The following IL1R2 variants were observed in gnomAD, a reference collection of about 807,000 sequenced individuals.
IL1R2 encodes interleukin-1 receptor type 2.
In IL1R2, 46 loss-of-function variants were observed where a neutral mutation model predicts 39.5. That is an observed-to-expected ratio of 1.16 (90% CI 0.92 to 1.49). The LOEUF is 1.49. IL1R2 is among the 40% of genes most tolerant of loss of function. The pLI, the probability that IL1R2 is intolerant of heterozygous loss-of-function variation, is 0.00. For synonymous variants in IL1R2, 207 were observed against 189.6 expected (o/e 1.09, Z -0.75); for missense variants, 537 against 502.0 (o/e 1.07, Z -0.67).
intron 1 of IL1R2, among the ~76,000 whole-genome samples, chr2:101,997,454 G>A (rs1025108883): frequency 6.6e-6 from 1 of 152,204 alleles, no homozygotes; most frequent in African/African-American, 2.4e-5. Flanking sequence ...GGAAAGCCAA[G>A]GGAGCAGAAG....
intron 1 of IL1R2, among the ~76,000 whole-genome samples, chr2:102,002,766 C>CTA (rs1675962846): frequency 3.1e-3 from 1 of 324 alleles, no homozygotes; most frequent in South Asian, 0.12. Context: ...ATATCTATAT[C>CTA]TATATCTATA....
chr2:102,006,303 A>G (rs1676256529), intron 1 of IL1R2, among the ~76,000 whole-genome samples: 2 of 152,228 alleles, frequency 1.3e-5, no homozygotes, highest in Non-Finnish European at 1.5e-5. Flanking sequence ...GGTTAGGGGT[A>G]AAGTCACAGG....
intron 1 of IL1R2, among the ~76,000 whole-genome samples, chr2:102,004,265 G>A (rs1676123203): frequency 6.6e-6 from 1 of 152,208 alleles, no homozygotes; most frequent in Non-Finnish European, 1.5e-5. Context: ...ATGACCAGAA[G>A]CTGCAGACAC....
intron 6 of IL1R2, chr2:102,023,532 G>C (rs1384056585): frequency 6.6e-6 from 1 of 152,266 alleles, no homozygotes; most frequent in African/African-American, 2.4e-5. Context: ...GCATAGGATG[G>C]AGAACGGCTG....
In IL1R2 at chr2:102,023,926, C is replaced by T. The variant is rs184268911; in HGVS notation, c.752-607C>T. Among the ~76,000 whole-genome samples, 68 of 152,018 alleles carry T rather than the reference C, an allele frequency of 4.5e-4. 2 individuals are homozygous for T. The East Asian group carries it at 0.013, about 29-fold the overall frequency. ...TTAGCCGGGCGTGGTGGCGGGTGCC[C>T]GGGTCCCAGCTCCTCGGGGCGCCGA... On this transcript the variant is annotated intron_variant, in intron 6 of 8. Transcript: ENST00000332549.
At chr2:102,027,512 A>G (rs915018540) in intron 8 of IL1R2, among the ~76,000 whole-genome samples, 2 of 152,204 alleles carry the variant, frequency 1.3e-5, no homozygotes, top group African/African-American at 4.8e-5. Context: ...TGCCCAGAAT[A>G]TTACAGCTGA....
chr2:102,020,097 T>C (rs942478047), intron 5 of IL1R2, among the ~76,000 whole-genome samples: 2 of 152,236 alleles, frequency 1.3e-5, no homozygotes, highest in African/African-American at 2.4e-5. Flanking sequence ...CAGTGGCTTC[T>C]GTAGAAGGTA....
At chr2:102,006,529 C>T (rs982731557) in intron 1 of IL1R2, among the ~76,000 whole-genome samples, 5 of 152,152 alleles carry the variant, frequency 3.3e-5, no homozygotes, top group Non-Finnish European at 7.4e-5. Flanking sequence ...GCCGCAATGC[C>T]GCCCTGGATT....
intron 3 of IL1R2, among the ~76,000 whole-genome samples, chr2:102,011,506 G>A (rs2262267): frequency 0.18 from 26,762 of 152,108 alleles, 2,895 homozygotes; most frequent in East Asian, 0.32. Flanking sequence ...GCATCTTTTT[G>A]TGTGCTTATT....
chr2:102,008,447 C>G, intron 1 of IL1R2, 68 bp from the exon 2 acceptor site: 1 of 747,358 alleles, frequency 1.3e-6, no homozygotes, highest in Admixed American at 1.9e-5. Context: ...CCTGCCCCTA[C>G]CCCGTCTTCA....
intron 1 of IL1R2, among the ~76,000 whole-genome samples, chr2:102,000,591 G>T (rs913907228): frequency 1.5e-4 from 23 of 152,186 alleles, no homozygotes; most frequent in Non-Finnish European, 2.6e-4. Flanking sequence ...TCGTGATGGG[G>T]TAAGCTTGTC....
chr2:102,010,055 C>A, intron 3 of IL1R2: 1 of 560,200 alleles, frequency 1.8e-6, no homozygotes, highest in Non-Finnish European at 3.2e-6. Flanking sequence ...CGTCCCTAGC[C>A]ATTTTAGCTG....
chr2:101,999,547 C>T (rs895705558), intron 1 of IL1R2, among the ~76,000 whole-genome samples: 4 of 152,176 alleles, frequency 2.6e-5, no homozygotes, highest in Non-Finnish European at 5.9e-5. Context: ...GTATCTAGGA[C>T]TGAGGAGGCC....
intron 1 of IL1R2, chr2:101,999,069 A>G (rs531540320): frequency 1.3e-4 from 20 of 152,468 alleles, no homozygotes; most frequent in Admixed American, 7.8e-4. Context: ...TGACGCTCAT[A>G]CAAATCAACA....
chr2:101,992,290 C>CAGAGAGAGAG (rs1553612243), intron 1 of IL1R2, among the ~76,000 whole-genome samples: 1 of 136,492 alleles, frequency 7.3e-6, no homozygotes, highest in African/African-American at 2.6e-5. Context: ...GGCAGAGAGA[C>CAGAGAGAGAG]AGAGACAGAG....
intron 3 of IL1R2, 146 bp downstream of exon 3, chr2:102,009,972 C>T (rs1300181638): frequency 3.4e-6 from 3 of 888,358 alleles, no homozygotes; most frequent in African/African-American, 1.7e-5. Flanking sequence ...CTGTTCCTGA[C>T]ACCCCCCCCA....
At chr2:102,022,659 T>C (rs946053670) in intron 6 of IL1R2, among the ~76,000 whole-genome samples, 2 of 152,164 alleles carry the variant, frequency 1.3e-5, no homozygotes, top group Non-Finnish European at 2.9e-5. Context: ...TCTCTAAGAC[T>C]CCATTTGTAA....
At chr2:102,013,707 T>C (rs980391722) in intron 3 of IL1R2, among the ~76,000 whole-genome samples, 11 of 151,818 alleles carry the variant, frequency 7.2e-5, no homozygotes, top group South Asian at 2.1e-4. Context: ...AACAGGTCCA[T>C]TGTGGGTTTG....
In IL1R2 at chr2:102,026,339, A is replaced by G. The variant is rs1399110790; in HGVS notation, c.1030+86A>G. On this transcript the variant is annotated intron_variant, in intron 8 of 8. Coordinates refer to ENST00000332549, the MANE Select transcript of IL1R2 (RefSeq NM_004633.4). ...ACTAGACAAATCTACTTGTTCTCCA[A>G]ATGATTCCATAGAAATTCCCTTGCA... 4.7e-6 allele frequency: 5 copies of G among 1,053,052 alleles called. No individual in the cohort carries two copies. In the South Asian group the frequency reaches 6.5e-5, roughly 14 times the overall value. The allele number at this position is 1,053,052 out of a possible 1,614,324, so 65.2% of individuals were successfully genotyped here.
Sources: gnomAD v4.1 joint callset for allele counts (sites outside exome capture counted in the v4.1 genomes callset) on GRCh38, gnomAD v4.1.1 for gene constraint, MANE v1.5 for transcripts, NCBI Gene and HGNC (gene_info 2026-07-23, HGNC 2026-07-21) for gene names.